Variants in NUP93 observed in about 807,000 individuals in gnomAD.
The protein encoded by NUP93 is nucleoporin 93, also known as nuclear pore complex protein Nup93.
NUP93 carries 55 observed loss-of-function variants against 107.8 expected under a neutral mutation model. That is an observed-to-expected ratio of 0.51 (90% confidence interval 0.41 to 0.64). The LOEUF is 0.64. Among genes scored for constraint, NUP93 ranks in the 30% least tolerant of loss-of-function variants. NUP93 has a pLI of 0.00. For missense variants in NUP93, 937 were observed against 1,044.7 expected (o/e 0.90, Z 1.42); for synonymous variants, 390 against 397.5 (o/e 0.98, Z 0.22).
chr16:56,747,552 TA>T (rs57113914), intron 1 of NUP93, among the ~76,000 whole-genome samples: 669 of 141,972 alleles, frequency 4.7e-3, no homozygotes, highest in African/African-American at 0.01. Context: ...ACATGAGTAT[TA>T]AAAAAAAAAA....
intron 21 of NUP93, among the ~76,000 whole-genome samples, chr16:56,842,382 G>C (rs574811744): frequency 1.3e-5 from 2 of 152,246 alleles, no homozygotes; most frequent in African/African-American, 2.4e-5. Context: ...GGGTCTCTCT[G>C]ACACCTGTGC....
At chr16:56,769,277 C>T (rs1962276351) in intron 3 of NUP93, among the ~76,000 whole-genome samples, 1 of 152,152 alleles carries the variant, frequency 6.6e-6, no homozygotes, top group Non-Finnish European at 1.5e-5. Flanking sequence ...GAGTAGAAAG[C>T]CCACAGTGCC....
intron 3 of NUP93, among the ~76,000 whole-genome samples, chr16:56,789,694 G>T (rs1158062352): frequency 6.6e-6 from 1 of 152,250 alleles, no homozygotes; most frequent in Non-Finnish European, 1.5e-5. Context: ...ACATATTACA[G>T]TTGGCGAATA....
intron 16 of NUP93, among the ~76,000 whole-genome samples, chr16:56,836,332 T>G (rs1226768355): frequency 1.3e-5 from 2 of 152,202 alleles, no homozygotes; most frequent in Non-Finnish European, 2.9e-5. Flanking sequence ...TTTGGAAAAT[T>G]AGAAAGCACA....
intron 3 of NUP93, chr16:56,781,765 CCT>C (rs1283626985): frequency 1.1e-5 from 10 of 936,406 alleles, no homozygotes; most frequent in Non-Finnish European, 1.1e-5. Context: ...TGTCTCTCCC[CCT>C]CTTAAATCTT....
chr16:56,779,667 A>C (rs1962477291), intron 3 of NUP93, among the ~76,000 whole-genome samples: 1 of 152,060 alleles, frequency 6.6e-6, no homozygotes, highest in Non-Finnish European at 1.5e-5. Flanking sequence ...CAAGCCAGCC[A>C]CTCATCTAGT....
chr16:56,836,064 G>A (rs1442085896), intron 16 of NUP93, among the ~76,000 whole-genome samples: 1 of 151,182 alleles, frequency 6.6e-6, no homozygotes, highest in African/African-American at 2.4e-5. Context: ...GGGAGGCAGA[G>A]CTTGCAGTGA....
intron 7 of NUP93, among the ~76,000 whole-genome samples, chr16:56,823,326 C>G (rs1963588366): frequency 6.6e-6 from 1 of 152,176 alleles, no homozygotes; most frequent in South Asian, 2.1e-4. Flanking sequence ...AAATGCAGCT[C>G]TTTGAGTTTA....
At chr16:56,828,546 TAAAG>T (rs763820938) in intron 8 of NUP93, among the ~76,000 whole-genome samples, 21 of 152,302 alleles carry the variant, frequency 1.4e-4, no homozygotes, top group South Asian at 2.1e-4. Flanking sequence ...AGAGAAAACA[TAAAG>T]AAATGTTAAA....
At chr16:56,770,107 A>G (rs1369575885) in intron 3 of NUP93, among the ~76,000 whole-genome samples, 3 of 152,264 alleles carry the variant, frequency 2.0e-5, no homozygotes, top group Admixed American at 2.0e-4. Flanking sequence ...TCTTTGGGCT[A>G]TCTGGCTTTT....
chr16:56,841,747 A>C lies in NUP93; in HGVS notation c.2263A>C (p.Ile755Leu). ...AGAAGTGCTTCTTGCCACCATGAAC[A>C]TCTTGTTCACACAGTTTAAGAGGCT... ...LSEVLLATMN[I>L]LFTQFKRLKG... The change falls in exon 21 of 22, where the codon ATC becomes CTC. Residue 755 changes from isoleucine (I) to leucine (L), a missense_variant. By Grantham distance (5) the Ile-to-Leu change is conservative. Transcript: ENST00000308159. 1 of 1,614,196 alleles carries C rather than the reference A, an allele frequency of 6.2e-7. No homozygotes were observed. Among genetic ancestry groups the C allele is most frequent in the Non-Finnish European group, 8.5e-7 (1 of 1,180,022 alleles).
intron 2 of NUP93, among the ~76,000 whole-genome samples, 155 bp downstream of exon 2, chr16:56,748,581 T>G (rs1185504877): frequency 6.6e-6 from 1 of 152,162 alleles, no homozygotes; most frequent in Non-Finnish European, 1.5e-5. Flanking sequence ...GACAGCAGCC[T>G]TGGTTTGTTT....
At chr16:56,734,162 C>T (rs1220144103) in intron 1 of NUP93, among the ~76,000 whole-genome samples, 8 of 152,292 alleles carry the variant, frequency 5.3e-5, no homozygotes, top group Middle Eastern at 3.4e-3. Context: ...ATACTACCAA[C>T]GAGGTAAAAC....
In NUP93 at chr16:56,845,918, A is replaced by G. The variant is rs1374310847; in HGVS notation, c.*1309A>G. On this transcript the variant is annotated 3_prime_UTR_variant, in exon 22 of 22. Transcript: ENST00000308159. ...GGTAGGATTCCATGTTCCAGGAAGGATGCGGCCTGAGGGTCAGTGGAGCTG... is the reference window on the plus strand; with the variant it reads ...GGTAGGATTCCATGTTCCAGGAAGGGTGCGGCCTGAGGGTCAGTGGAGCTG... 3.3e-5 allele frequency: 5 copies of G among 152,186 alleles called. No homozygotes were observed. Among genetic ancestry groups the G allele is most frequent in the Non-Finnish European group, 5.9e-5 (4 of 68,042 alleles). 9.4% of individuals were successfully genotyped at this position (152,186 alleles called of 1,614,324 possible).
At chr16:56,753,865 A>G (rs1321556750) in intron 2 of NUP93, among the ~76,000 whole-genome samples, 1 of 151,472 alleles carries the variant, frequency 6.6e-6, no homozygotes, top group Non-Finnish European at 1.5e-5. Context: ...TATAACAAGC[A>G]TATTTGTTGA....
chr16:56,790,763 C>T (rs1962743317), intron 3 of NUP93, among the ~76,000 whole-genome samples: 1 of 152,182 alleles, frequency 6.6e-6, no homozygotes, highest in Non-Finnish European at 1.5e-5. Context: ...TTCTCCATTG[C>T]ACTAACTAAA....
At chr16:56,826,075 G>A (rs964938025) in intron 8 of NUP93, among the ~76,000 whole-genome samples, 1 of 152,104 alleles carries the variant, frequency 6.6e-6, no homozygotes, top group African/African-American at 2.4e-5. Context: ...ATATTTCTTA[G>A]CCCTCAAGGA....
At chr16:56,778,373 G>A (rs1217911830) in intron 3 of NUP93, among the ~76,000 whole-genome samples, 1 of 152,230 alleles carries the variant, frequency 6.6e-6, no homozygotes, top group Non-Finnish European at 1.5e-5. Context: ...CTGCCAGGCA[G>A]TGGAGTGTAG....
At chr16:56,821,903 T>C (rs1294204224) in intron 7 of NUP93, among the ~76,000 whole-genome samples, 1 of 150,604 alleles carries the variant, frequency 6.6e-6, no homozygotes, top group African/African-American at 2.4e-5. Context: ...CACAATCTAG[T>C]AGGCTCCTTA....
Sources: gnomAD v4.1 joint callset for allele counts (sites outside exome capture counted in the v4.1 genomes callset) on GRCh38, gnomAD v4.1.1 for gene constraint, MANE v1.5 for transcripts, NCBI Gene and HGNC (gene_info 2026-07-23, HGNC 2026-07-21) for gene names.